C1orf94: variants seen among roughly 807,000 people sequenced by gnomAD.
C1orf94 encodes chromosome 1 open reading frame 94, also known as uncharacterized protein C1orf94.
Under a neutral mutation model 53.6 loss-of-function variants are expected in C1orf94, and 45 were observed. The observed-to-expected ratio is 0.84, with a 90% CI of 0.66 to 1.08. The LOEUF is 1.08. Among genes scored for constraint, C1orf94 ranks in the 50% least tolerant of loss-of-function variants. The pLI, the probability that C1orf94 is intolerant of heterozygous loss-of-function variation, is 0.00. For synonymous variants in C1orf94, 304 were observed against 296.1 expected (o/e 1.03, Z -0.27); for missense variants, 762 against 738.9 (o/e 1.03, Z -0.36).
At chr1:34,190,962 C>T (rs574196070) in intron 1 of C1orf94, among the ~76,000 whole-genome samples, 44 of 152,186 alleles carry the variant, frequency 2.9e-4, no homozygotes, top group Non-Finnish European at 5.4e-4. Flanking sequence ...CTGGGCTTGG[C>T]TGAACTTGGC....
upstream of C1orf94, among the ~76,000 whole-genome samples, chr1:34,172,614 T>G (rs1353072765): frequency 6.6e-6 from 1 of 152,166 alleles, no homozygotes; most frequent in African/African-American, 2.4e-5. Flanking sequence ...TCCTCTCATG[T>G]GGGCAAGGAA....
At chr1:34,215,920 TG>T (rs1357627283) in intron 6 of C1orf94, among the ~76,000 whole-genome samples, 2 of 152,012 alleles carry the variant, frequency 1.3e-5, no homozygotes, top group Non-Finnish European at 2.9e-5. Flanking sequence ...GCAGGAGAAT[TG>T]CTTGAACCAG....
upstream of C1orf94, among the ~76,000 whole-genome samples, chr1:34,173,224 C>G (rs980959379): frequency 2.6e-5 from 4 of 152,150 alleles, no homozygotes; most frequent in African/African-American, 9.7e-5. Context: ...CAGCCCATCA[C>G]AAATTAAATA....
intron 3 of C1orf94, among the ~76,000 whole-genome samples, chr1:34,201,690 A>G (rs929068164): frequency 3.9e-5 from 6 of 152,256 alleles, no homozygotes; most frequent in African/African-American, 1.4e-4. Flanking sequence ...TCATTTGATA[A>G]GGATGAATTC....
chr1:34,191,497 G>A (rs76506386), intron 1 of C1orf94, among the ~76,000 whole-genome samples: 1 of 151,898 alleles, frequency 6.6e-6, no homozygotes, highest in Admixed American at 6.6e-5. Context: ...AATATGCTGT[G>A]CTGCTCTACC....
At position 34,214,588 on chromosome 1, in the gene C1orf94, A is replaced by G. The variant is rs146619898; in HGVS notation, c.1721+2182A>G. 3.1e-4 allele frequency among the ~76,000 whole-genome samples: 47 copies of G among 152,264 alleles called. No individual in the cohort carries two copies. In the East Asian group the frequency reaches 8.5e-3, roughly 28 times the overall value. On this transcript the variant is annotated intron_variant, in intron 6 of 6. Transcript: ENST00000488417. ...TGCTGTGACTCTGGGCTCTGGGAAG[A>G]TAGACTTGCTGTAGGAGATAGCCCT...
intron 3 of C1orf94, 41 bp downstream of exon 3, chr1:34,201,073 T>C: frequency 1.3e-6 from 2 of 1,550,770 alleles, no homozygotes. Flanking sequence ...GGGGAGGGGG[T>C]TGCAGTGACC....
At chr1:34,192,532 G>A (rs1224473615) in intron 1 of C1orf94, among the ~76,000 whole-genome samples, 2 of 152,208 alleles carry the variant, frequency 1.3e-5, no homozygotes, top group Non-Finnish European at 2.9e-5. Context: ...TCCCGACTGA[G>A]CTGGAGTTAT....
intron 4 of C1orf94, among the ~76,000 whole-genome samples, chr1:34,207,431 T>A (rs1418516563): frequency 6.6e-6 from 1 of 152,188 alleles, no homozygotes; most frequent in Non-Finnish European, 1.5e-5. Context: ...ACAAACACAC[T>A]GAACATTGAG....
chr1:34,204,034 A>AGGACCTT (rs1642754498), intron 4 of C1orf94, among the ~76,000 whole-genome samples: 1 of 152,216 alleles, frequency 6.6e-6, no homozygotes, highest in Admixed American at 6.5e-5. Flanking sequence ...TTGTGCACTC[A>AGGACCTT]GGACCTTGGC....
At chr1:34,176,616 T>C (rs1642229380), upstream of C1orf94, among the ~76,000 whole-genome samples, 1 of 152,120 alleles carries the variant, frequency 6.6e-6, no homozygotes, top group Admixed American at 6.5e-5. Flanking sequence ...TTCGCTTTCC[T>C]CCCGTGTAGA....
At position 34,180,946 on chromosome 1, in the gene C1orf94, C is replaced by T. The variant is rs368694718; in HGVS notation, c.320+2837C>T. On this transcript the variant is annotated intron_variant, in intron 1 of 6. Coordinates refer to ENST00000488417, the MANE Select transcript of C1orf94 (RefSeq NM_001134734.2). ...AAGCCATCTTCCGCTGCTCGAATCCCCTCCTTACTGTCCCTGCCAAGTGGT... is the reference window on the plus strand; with the variant it reads ...AAGCCATCTTCCGCTGCTCGAATCCTCTCCTTACTGTCCCTGCCAAGTGGT... Among the ~76,000 whole-genome samples, 3 of 152,116 alleles carry T rather than the reference C, an allele frequency of 2.0e-5. No individual in the cohort carries two copies. In the South Asian group the frequency reaches 6.2e-4, roughly 32 times the overall value.
intron 1 of C1orf94, among the ~76,000 whole-genome samples, chr1:34,184,292 G>A (rs889422408): frequency 3.9e-5 from 6 of 152,196 alleles, no homozygotes; most frequent in African/African-American, 1.4e-4. Context: ...AGCAGCAGGC[G>A]CAGGGAAAGA....
chr1:34,212,687 T>C (rs1642915822), intron 6 of C1orf94, among the ~76,000 whole-genome samples: 1 of 152,158 alleles, frequency 6.6e-6, no homozygotes, highest in Non-Finnish European at 1.5e-5. Flanking sequence ...CCCTACTCCA[T>C]AGGCAGGGGC....
chr1:34,176,481 C>T (rs573605264), upstream of C1orf94, among the ~76,000 whole-genome samples: 8 of 152,190 alleles, frequency 5.3e-5, no homozygotes, highest in Non-Finnish European at 8.8e-5. Flanking sequence ...CCTACTCCTG[C>T]TCCTACCCAC....
At chr1:34,179,566 A>G (rs1206740946) in intron 1 of C1orf94, among the ~76,000 whole-genome samples, 1 of 152,270 alleles carries the variant, frequency 6.6e-6, no homozygotes, top group Non-Finnish European at 1.5e-5. Context: ...CCAGCTGCTT[A>G]ACTCCATTTG....
At chr1:34,207,859 G>A (rs554581870) in intron 4 of C1orf94, among the ~76,000 whole-genome samples, 1 of 152,298 alleles carries the variant, frequency 6.6e-6, no homozygotes, top group African/African-American at 2.4e-5. Context: ...GATGTGATTT[G>A]CCCAAGGTCA....
At chr1:34,178,336 A>T (rs1168184970) in intron 1 of C1orf94, among the ~76,000 whole-genome samples, 1 of 152,232 alleles carries the variant, frequency 6.6e-6, no homozygotes, top group Non-Finnish European at 1.5e-5. Context: ...CCTCTTCACC[A>T]GCCCGTTAAG....
upstream of C1orf94, among the ~76,000 whole-genome samples, chr1:34,173,909 T>C (rs1642184144): frequency 6.6e-6 from 1 of 152,234 alleles, no homozygotes; most frequent in Admixed American, 6.5e-5. Context: ...CCTCAAACAG[T>C]GCTGGGCATA....
Sources: gnomAD v4.1 joint callset for allele counts (sites outside exome capture counted in the v4.1 genomes callset) on GRCh38, gnomAD v4.1.1 for gene constraint, MANE v1.5 for transcripts, NCBI Gene and HGNC (gene_info 2026-07-23, HGNC 2026-07-21) for gene names.